ZNF653: variants seen among roughly 807,000 people sequenced by gnomAD.
The protein encoded by ZNF653 is zinc finger protein 653, also known as 67 kDa zinc finger protein.
A neutral mutation model predicts 59.9 loss-of-function variants in ZNF653; 37 were observed. The ratio of observed to expected loss-of-function variants is 0.62; its 90% CI spans 0.48 to 0.81. The LOEUF is 0.81. Ranked by LOEUF, ZNF653 falls within the 40% of genes least tolerant of loss-of-function variation. The pLI is 0.00. For missense variants in ZNF653, 808 were observed against 881.1 expected, an observed-to-expected ratio of 0.92 and a Z score of 1.05; for synonymous variants, 435 against 371.8, an observed-to-expected ratio of 1.17 and a Z score of -1.96.
At chr19:11,505,271 G>T (rs1014543917) in intron 1 of ZNF653, 3 of 483,254 alleles carry the variant, frequency 6.2e-6, no homozygotes, top group Non-Finnish European at 7.0e-6. Context: ...CGAGGGGCTG[G>T]GTGCACCCTA....
chr19:11,501,608 C>A (rs1971645163), intron 1 of ZNF653, among the ~76,000 whole-genome samples: 1 of 152,174 alleles, frequency 6.6e-6, no homozygotes. Context: ...CCATCACAGT[C>A]ACCAGTGACG....
intron 7 of ZNF653, among the ~76,000 whole-genome samples, chr19:11,484,466 A>C (rs2144931165): frequency 6.6e-6 from 1 of 152,046 alleles, no homozygotes; most frequent in African/African-American, 2.4e-5. Flanking sequence ...CAATGGCCCG[A>C]TCTCGGCTTA....
intron 3 of ZNF653, among the ~76,000 whole-genome samples, chr19:11,492,100 G>A (rs1029480896): frequency 1.3e-5 from 2 of 152,004 alleles, no homozygotes; most frequent in African/African-American, 4.8e-5. Flanking sequence ...AGGCTGGAGT[G>A]CAATGGTGCA....
intron 3 of ZNF653, among the ~76,000 whole-genome samples, chr19:11,490,664 A>G (rs750532964): frequency 6.6e-5 from 10 of 151,858 alleles, no homozygotes; most frequent in Non-Finnish European, 1.3e-4. Flanking sequence ...AAGTGCTGGG[A>G]TTACAGGTGT....
chr19:11,485,636 C>G lies in ZNF653; in HGVS notation c.1570+20G>C. ...TCCCTGTGTCCCCCGCTCATGCTGC[C>G]AGCTGGCCCAGGGCCTGACCTGAAT... On this transcript the variant is annotated intron_variant, in intron 7 of 8. Transcript: ENST00000293771. 2.5e-6 allele frequency: 4 copies of G among 1,601,612 alleles called. No homozygotes were observed. The highest frequency in any genetic ancestry group is 3.4e-6 in the Non-Finnish European group (4 of 1,168,972).
chr19:11,505,837 A>G lies in ZNF653; in HGVS notation c.-51T>C. ...CCCCGTTGTTAGGAGCCAGACCGGA[A>G]GTGGCGCGCATCTTCGGCGCCGCCG... On this transcript the variant is annotated 5_prime_UTR_variant, in exon 1 of 9. Coordinates refer to ENST00000293771, the MANE Select transcript of ZNF653 (RefSeq NM_138783.4). 3 of 1,281,880 alleles carry G rather than the reference A, an allele frequency of 2.3e-6. No individual in the cohort carries two copies. The highest frequency in any genetic ancestry group is 1.8e-5 in the South Asian group (1 of 57,036). The allele number at this position is 1,281,880 out of a possible 1,614,324, so 79.4% of individuals were successfully genotyped here. A position where few individuals can be genotyped will look rare whatever the true frequency, so the allele number is the denominator to read the frequency against.
chr19:11,487,019 G>A lies in ZNF653; in HGVS notation c.1311C>T (p.Ala437=). 6.2e-7 allele frequency: 1 copy of A among 1,614,126 alleles called. No homozygotes were observed. The highest frequency in any genetic ancestry group is 8.5e-7 in the Non-Finnish European group (1 of 1,179,994). Residue 437 remains alanine, a synonymous_variant, in exon 5 of 9, where the codon GCC becomes GCT. Coordinates refer to ENST00000293771, the MANE Select transcript of ZNF653 (RefSeq NM_138783.4). The surrounding 1 kb of genome is among the most constrained non-coding windows in gnomAD (Gnocchi z 5.1). ...GCTCCTTGGGGATTTCATAGATGATGGCTGACATGTCGCTGCCGTCCAGCT... is the reference window on the plus strand; with the variant it reads ...GCTCCTTGGGGATTTCATAGATGATAGCTGACATGTCGCTGCCGTCCAGCT... ...GEELDGSDMS[A]IIYEIPKEPE...
At chr19:11,501,490 T>A (rs560300001) in intron 1 of ZNF653, among the ~76,000 whole-genome samples, 1 of 152,212 alleles carries the variant, frequency 6.6e-6, no homozygotes, top group South Asian at 2.1e-4. Context: ...TCCTTCTTCA[T>A]TTCCCCGTTT....
intron 6 of ZNF653, 135 bp from the exon 7 acceptor site, chr19:11,485,905 C>T (rs1971460924): frequency 1.5e-6 from 1 of 676,574 alleles, no homozygotes; most frequent in African/African-American, 1.8e-5. Flanking sequence ...TACCCTTGCC[C>T]AGCTCAGAGA....
intron 3 of ZNF653, among the ~76,000 whole-genome samples, chr19:11,494,706 C>T (rs1433615047): frequency 2.0e-5 from 3 of 152,086 alleles, no homozygotes; most frequent in Non-Finnish European, 2.9e-5. Context: ...TAAATACATA[C>T]ATAAATAAAT....
At chr19:11,488,361 C>T (rs189340172) in intron 3 of ZNF653, among the ~76,000 whole-genome samples, 2 of 152,010 alleles carry the variant, frequency 1.3e-5, no homozygotes, top group Admixed American at 6.6e-5. Flanking sequence ...AGGATGGTCT[C>T]GATCTCCTGA....
At chr19:11,486,966 C>G (rs775036714) in intron 5 of ZNF653, 21 bp downstream of exon 5, 6 of 1,612,498 alleles carry the variant, frequency 3.7e-6, no homozygotes, top group Admixed American at 1.7e-5. Context: ...CGCCCTCACC[C>G]TTGCCCGCCC....
chr19:11,499,321 G>GC (rs1292415291), intron 1 of ZNF653, among the ~76,000 whole-genome samples: 3 of 152,210 alleles, frequency 2.0e-5, no homozygotes, highest in Non-Finnish European at 2.9e-5. Context: ...CCTGAGCGGG[G>GC]CAGGCCTGTG....
At chr19:11,498,433 T>G in intron 1 of ZNF653, 94 bp from the exon 2 acceptor site, 2 of 1,525,174 alleles carry the variant, frequency 1.3e-6, no homozygotes, top group African/African-American at 2.7e-5. Flanking sequence ...CACTGCTCAT[T>G]GTACACTGAA....
rs556625665 is a variant in ZNF653 at position 11,484,168 on chromosome 19, G to A, written c.1571-27C>T. On this transcript the variant is annotated intron_variant, in intron 7 of 8. Coordinates refer to ENST00000293771, the MANE Select transcript of ZNF653 (RefSeq NM_138783.4). ...TGGGGGCGGTGGGGACCGAGGCTGA[G>A]GACGGTGGGCTATGGGGTGTCTCTG... is the stretch of plus-strand genomic sequence containing the variant. 14 of 1,528,470 alleles carry A rather than the reference G, an allele frequency of 9.2e-6. No individual in the cohort carries two copies. In the South Asian group the frequency reaches 1.4e-4, roughly 16 times the overall value. 94.7% of individuals were successfully genotyped at this position (1,528,470 alleles called of 1,614,324 possible). A position where few individuals can be genotyped will look rare whatever the true frequency, so the allele number is the denominator to read the frequency against.
At chr19:11,484,859 C>G (rs1971448367) in intron 7 of ZNF653, among the ~76,000 whole-genome samples, 1 of 151,522 alleles carries the variant, frequency 6.6e-6, no homozygotes, top group South Asian at 2.1e-4. Flanking sequence ...GGAGACAAGC[C>G]TGGCTAACAT....
Position 11,495,336 on chromosome 19 carries a change from CAA to C in ZNF653, c.559+612_559+613del, listed in dbSNP as rs746819541. ...GAGGAGAAAGGGGAATAGAAGGAAA[CAA>C]GAGAAAGAGAGAGAGGGAGATGAGA... On this transcript the variant is annotated intron_variant, in intron 3 of 8. Transcript: ENST00000293771. The surrounding 1 kb of genome is among the most constrained non-coding windows in gnomAD (Gnocchi z 4.9). Among the ~76,000 whole-genome samples, 1 of 151,366 alleles carries C rather than the reference CAA, an allele frequency of 6.6e-6. No individual in the cohort carries two copies. Among genetic ancestry groups the C allele is most frequent in the African/African-American group, 2.4e-5 (1 of 41,098 alleles).
intron 1 of ZNF653, chr19:11,505,058 C>G (rs570605875): frequency 1.8e-5 from 3 of 166,242 alleles, no homozygotes; most frequent in South Asian, 1.5e-4. Context: ...GGCACCAGAA[C>G]TTCAAGAAGG....
chr19:11,485,702 C>T lies in ZNF653; in HGVS notation c.1524G>A (p.Lys508=). The T allele has an allele frequency of 1.2e-6, 2 of 1,614,092 alleles. No individual in the cohort carries two copies. The highest frequency in any genetic ancestry group is 1.3e-5 in the African/African-American group (1 of 75,024). ...KVCPHPGCGK[K]FYLSNHLRRH... is the part of the protein sequence containing the mutation. ...GCCGCAGGTGGTTGGATAAATAGAACTTCTTGCCACAGCCAGGATGAGGGC... is the reference window on the plus strand; with the variant it reads ...GCCGCAGGTGGTTGGATAAATAGAATTTCTTGCCACAGCCAGGATGAGGGC... The change falls in exon 7 of 9, where the codon AAG becomes AAA. Residue 508 remains lysine (K), a synonymous_variant. Coordinates refer to ENST00000293771, the MANE Select transcript of ZNF653 (RefSeq NM_138783.4).
Sources: allele counts gnomAD v4.1 joint callset (sites outside exome capture counted in the v4.1 genomes callset), GRCh38; gene constraint gnomAD v4.1.1; non-coding constraint Gnocchi (gnomAD v3.1); transcripts MANE v1.5; gene names NCBI Gene and HGNC (gene_info 2026-07-23, HGNC 2026-07-21).